EZH2: variants seen among roughly 807,000 people sequenced by gnomAD.
EZH2 encodes enhancer of zeste 2 polycomb repressive complex 2 subunit, also known as histone-lysine N-methyltransferase EZH2.
In EZH2, 18 loss-of-function variants were observed where a neutral mutation model predicts 98.4. The ratio of observed to expected loss-of-function variants is 0.18; its 90% confidence interval spans 0.13 to 0.27. The LOEUF is 0.27. EZH2 is among the 10% of genes least tolerant of loss of function. The probability of loss-of-function intolerance (pLI) is 1.00; values close to 1 mark genes in which losing one functional copy is unlikely to be tolerated. For missense variants in EZH2, 470 were observed against 935.1 expected (o/e 0.50, Z 6.49); for synonymous variants, 338 against 312.3 (o/e 1.08, Z -0.87).
chr7:148,880,305 A>G (rs1820776654), intron 1 of EZH2, among the ~76,000 whole-genome samples: 1 of 152,210 alleles, frequency 6.6e-6, no homozygotes, highest in Non-Finnish European at 1.5e-5. Flanking sequence ...AAATGATCCA[A>G]TTACACTGTC....
chr7:148,825,962 G>T (rs77655297), intron 8 of EZH2, among the ~76,000 whole-genome samples: 1,948 of 152,106 alleles, frequency 0.013, 41 homozygotes, highest in African/African-American at 0.046. Flanking sequence ...TTTTCACTAA[G>T]AACATTTTAC....
intron 3 of EZH2, among the ~76,000 whole-genome samples, chr7:148,833,641 A>G (rs993933558): frequency 3.3e-5 from 5 of 152,170 alleles, no homozygotes; most frequent in African/African-American, 1.2e-4. Context: ...CTATTCTGCA[A>G]AACTGTAATC....
Position 148,846,519 on chromosome 7 carries a change from T to A in EZH2, c.197A>T (p.Gln66Leu). ...LNQEWKQRRI[Q>L]PVHILTSVSS... ...CACAGAAGTCAGGATGTGCACAGGCTGTATCCTTCGCTGTTTCCATTCTTG... is the reference window on the plus strand; with the variant it reads ...CACAGAAGTCAGGATGTGCACAGGCAGTATCCTTCGCTGTTTCCATTCTTG... The change falls in exon 3 of 20, where the codon CAG becomes CTG. Residue 66 changes from glutamine to leucine, a missense_variant. Gln to Leu is a moderately radical substitution (Grantham distance 113, BLOSUM62 -2). Around this residue, in one of 6 missense-constraint regions of EZH2, gnomAD observed 79 missense variants for 122.1 expected, o/e 0.65. Transcript: ENST00000320356. 1.2e-6 allele frequency: 2 copies of A among 1,614,020 alleles called. No homozygotes were observed. Among genetic ancestry groups the A allele is most frequent in the Admixed American group, 1.7e-5 (1 of 60,014 alleles).
In EZH2 at chr7:148,828,822, A is replaced by G. The variant is rs1808494202; in HGVS notation, c.543T>C (p.Tyr181=). 4 of 1,613,892 alleles carry G rather than the reference A, an allele frequency of 2.5e-6. No homozygotes were observed. Among genetic ancestry groups the G allele is most frequent in the Non-Finnish European group, 3.4e-6 (4 of 1,179,960 alleles). The change falls in exon 6 of 20, where the codon TAT becomes TAC. Residue 181 remains tyrosine (Y), a synonymous_variant. Transcript: ENST00000320356. ...FVELVNALGQ[Y]NDDDDDDDGD... is the part of the protein sequence containing the mutation. Reference sequence around the variant, plus strand: ...CATCATCATCATCGTCATCATCATTATATTGACCAAGGGCATTCACCAACT... The same window carrying G: ...CATCATCATCATCGTCATCATCATTGTATTGACCAAGGGCATTCACCAACT...
intron 5 of EZH2, 112 bp downstream of exon 5, chr7:148,829,616 G>A (rs1808758680): frequency 2.2e-5 from 27 of 1,216,120 alleles, no homozygotes; most frequent in Non-Finnish European, 3.1e-5. Flanking sequence ...ATAGTTCAGT[G>A]CAAAACTTAA....
intron 1 of EZH2, among the ~76,000 whole-genome samples, chr7:148,850,183 T>C (rs1210209774): frequency 2.6e-5 from 4 of 152,062 alleles, no homozygotes; most frequent in Non-Finnish European, 5.9e-5. Context: ...CACGCCAGGC[T>C]AATTTTTTGT....
chr7:148,807,762 A>ATACTT, intron 19 of EZH2, 56 bp from the exon 20 acceptor site: 2 of 1,123,212 alleles, frequency 1.8e-6, no homozygotes, highest in South Asian at 1.3e-5. Context: ...ACATGTGCTG[A>ATACTT]GACTTAACAC....
intron 1 of EZH2, among the ~76,000 whole-genome samples, chr7:148,871,403 T>TAAAAA (rs71529646): frequency 2.2e-3 from 199 of 88,484 alleles, no homozygotes; most frequent in Non-Finnish European, 2.6e-3. Flanking sequence ...GACGAATAAT[T>TAAAAA]AAAAAAAAAA....
chr7:148,833,735 C>A (rs1810079717), intron 3 of EZH2, among the ~76,000 whole-genome samples: 2 of 152,098 alleles, frequency 1.3e-5, no homozygotes, highest in African/African-American at 4.8e-5. Flanking sequence ...TCTATTTAAT[C>A]CTCATTACAA....
At chr7:148,814,838 ATTT>A in intron 14 of EZH2, 73 bp downstream of exon 14, 2 of 1,522,198 alleles carry the variant, frequency 1.3e-6, no homozygotes, top group Admixed American at 3.9e-5. Flanking sequence ...CCATGTTCTT[ATTT>A]TTGATTTTTT....
intron 3 of EZH2, among the ~76,000 whole-genome samples, chr7:148,834,910 G>C (rs773729216): frequency 4.6e-5 from 7 of 152,118 alleles, no homozygotes; most frequent in Non-Finnish European, 1.0e-4. Context: ...TGTAGTTTTA[G>C]CATCAAAACT....
chr7:148,862,247 T>A (rs1817781936), intron 1 of EZH2, among the ~76,000 whole-genome samples: 1 of 152,348 alleles, frequency 6.6e-6, no homozygotes, highest in Admixed American at 6.5e-5. Context: ...TTTAAATGAA[T>A]CTTTAACTCA....
chr7:148,826,907 A>G (rs1282598236), intron 7 of EZH2, among the ~76,000 whole-genome samples: 1 of 152,242 alleles, frequency 6.6e-6, no homozygotes, highest in African/African-American at 2.4e-5. Flanking sequence ...ATTTTCCTGT[A>G]AATGTACTAC....
intron 1 of EZH2, among the ~76,000 whole-genome samples, chr7:148,876,873 A>G (rs571742929): frequency 6.6e-6 from 1 of 152,314 alleles, no homozygotes; most frequent in South Asian, 2.1e-4. Context: ...TCCAGCTCAC[A>G]GGCCTTACCA....
intron 1 of EZH2, among the ~76,000 whole-genome samples, chr7:148,882,818 A>G (rs1821207247): frequency 6.6e-6 from 1 of 152,252 alleles, no homozygotes; most frequent in Admixed American, 6.5e-5. Flanking sequence ...TTATTTCCAA[A>G]TGAATTTAAA....
intron 13 of EZH2, 51 bp from the exon 14 acceptor site, chr7:148,815,090 G>A (rs774419396): frequency 6.0e-5 from 95 of 1,594,526 alleles, no homozygotes; most frequent in African/African-American, 1.6e-4. Flanking sequence ...AGATGGAAAC[G>A]ATCATACACA....
Position 148,817,911 on chromosome 7 carries a change from T to C in EZH2, c.1206A>G (p.Glu402=), listed in dbSNP as rs768486638. 3 of 1,614,222 alleles carry C rather than the reference T, an allele frequency of 1.9e-6. No individual in the cohort carries two copies. The highest frequency in any genetic ancestry group is 2.2e-5 in the East Asian group (1 of 44,892). The change falls in exon 10 of 20, where the codon GAA becomes GAG. Residue 402 remains glutamate, a synonymous_variant. Coordinates refer to ENST00000320356, the MANE Select transcript of EZH2 (RefSeq NM_004456.5). ...ETGGENNDKE[E]EEKKDETSSS... The stretch of plus-strand genomic sequence containing the variant: ...TCGAAGTTTCATCTTTCTTCTCTTC[T>C]TCTTCTTTATCATTGTTCTCTCCCC...
At chr7:148,843,472 C>T (rs1207172535) in intron 3 of EZH2, among the ~76,000 whole-genome samples, 1 of 151,976 alleles carries the variant, frequency 6.6e-6, no homozygotes, top group African/African-American at 2.4e-5. Context: ...GCATCTAAAG[C>T]ACTCACTTCA....
intron 3 of EZH2, among the ~76,000 whole-genome samples, chr7:148,842,355 C>A (rs1403514336): frequency 6.6e-6 from 1 of 152,084 alleles, no homozygotes; most frequent in Non-Finnish European, 1.5e-5. Flanking sequence ...TTAATGAGAA[C>A]CTCAAGAGTA....
Sources: gnomAD v4.1 joint callset for allele counts (sites outside exome capture counted in the v4.1 genomes callset) on GRCh38, gnomAD v4.1.1 for gene constraint, gnomAD v4.1.1 regional missense constraint, MANE v1.5 for transcripts, NCBI Gene and HGNC (gene_info 2026-07-23, HGNC 2026-07-21) for gene names.